The following SLC9A1 variants were observed in gnomAD, a reference collection of about 807,000 sequenced individuals.
SLC9A1 encodes solute carrier family 9 member A1, also known as sodium/hydrogen exchanger 1.
A neutral mutation model predicts 67.9 loss-of-function variants in SLC9A1; 22 were observed. The observed-to-expected ratio is 0.32, with a 90% CI of 0.23 to 0.46. The LOEUF (loss-of-function observed/expected upper bound fraction) is 0.46, where lower values mean the gene tolerates loss of function less well. Ranked by LOEUF, SLC9A1 falls within the 20% of genes least tolerant of loss-of-function variation. SLC9A1 has a pLI of 1.00. For missense variants in SLC9A1, 686 were observed against 1,094.8 expected (o/e 0.63, Z 5.27); for synonymous variants, 421 against 471.8 (o/e 0.89, Z 1.40).
intron 1 of SLC9A1, among the ~76,000 whole-genome samples, chr1:27,130,654 C>T (rs1160424245): frequency 6.6e-6 from 1 of 152,334 alleles, no homozygotes; most frequent in African/African-American, 2.4e-5. Flanking sequence ...AAGCCCTGTG[C>T]CTTCTCATTT....
At chr1:27,103,662 ACCTCTGCACTG>A in intron 5 of SLC9A1, 1 of 313,898 alleles carries the variant, frequency 3.2e-6, no homozygotes, top group Admixed American at 4.1e-5. Context: ...AGGGAAAACT[ACCTCTGCACTG>A]CCTCCCCACC....
chr1:27,101,644 T>C lies in SLC9A1; in HGVS notation c.2037+81A>G, dbSNP rs892790159. 4.0e-6 allele frequency: 4 copies of C among 994,828 alleles called. No homozygotes were observed. The African/African-American group carries it at 6.4e-5, about 16-fold the overall frequency. 61.6% of individuals were successfully genotyped at this position (994,828 alleles called of 1,614,324 possible). A position where few individuals can be genotyped will look rare whatever the true frequency, so the allele number is the denominator to read the frequency against. The stretch of plus-strand genomic sequence containing the variant: ...CGAAAGCCAAACCCTGTTCCTAGAA[T>C]GGGTACATTTCCTTAGAGGCTGTGG... On this transcript the variant is annotated intron_variant, in intron 10 of 11. Transcript: ENST00000263980. The surrounding 1 kb of genome is among the most constrained non-coding windows in gnomAD (Gnocchi z 4.9).
chr1:27,119,905 T>A (rs1388597827), intron 1 of SLC9A1, among the ~76,000 whole-genome samples: 1 of 152,160 alleles, frequency 6.6e-6, no homozygotes, highest in Non-Finnish European at 1.5e-5. Flanking sequence ...CTCCCACTGC[T>A]TCTACTCTAG....
At chr1:27,143,198 C>A (rs1274402339) in intron 1 of SLC9A1, among the ~76,000 whole-genome samples, 2 of 151,984 alleles carry the variant, frequency 1.3e-5, no homozygotes, top group African/African-American at 4.8e-5. Flanking sequence ...GATCCTAGAA[C>A]AACAGATCAT....
In SLC9A1 at chr1:27,099,979, T is replaced by G; in HGVS notation, c.*328A>C. The G allele has an allele frequency of 9.6e-6, 3 of 312,486 alleles. No individual in the cohort carries two copies. Among genetic ancestry groups the G allele is most frequent in the East Asian group, 1.0e-4 (2 of 19,178 alleles). The allele number at this position is 312,486 out of a possible 1,614,324, so 19.4% of individuals were successfully genotyped here. On this transcript the variant is annotated 3_prime_UTR_variant, in exon 12 of 12. Coordinates refer to ENST00000263980, the MANE Select transcript of SLC9A1 (RefSeq NM_003047.5). ...GGTTAGAAACTAAGATTGGTCTGAA[T>G]GAGGAGGAGGATGAGGCAGAGGGAG...
At chr1:27,138,681 T>G (rs2083435039) in intron 1 of SLC9A1, among the ~76,000 whole-genome samples, 1 of 151,954 alleles carries the variant, frequency 6.6e-6, no homozygotes, top group Non-Finnish European at 1.5e-5. Context: ...ATGCCACAGC[T>G]GTATGGAGGA....
rs2083287804 is a variant in SLC9A1 at position 27,118,785 on chromosome 1, G to A, written c.353-4499C>T. 6.6e-6 allele frequency among the ~76,000 whole-genome samples: 1 copy of A among 152,118 alleles called. No homozygotes were observed. The highest frequency in any genetic ancestry group is 2.1e-4 in the South Asian group (1 of 4,828). On this transcript the variant is annotated intron_variant, in intron 1 of 11. Transcript: ENST00000263980. The surrounding 1 kb of genome is among the most constrained non-coding windows in gnomAD (Gnocchi z 4.3). The stretch of plus-strand genomic sequence containing the variant: ...ATATAGTCAGGGAAATGGAGACAGA[G>A]ACAGCCAGTGACCTGTCAATGATCA...
At chr1:27,102,160 C>T in intron 8 of SLC9A1, 30 bp from the exon 9 acceptor site, 1 of 1,568,746 alleles carries the variant, frequency 6.4e-7, no homozygotes, top group Non-Finnish European at 8.8e-7. Flanking sequence ...GTTAGGTCCC[C>T]AAGATTCTTG....
At chr1:27,122,101 T>G (rs1312513969) in intron 1 of SLC9A1, among the ~76,000 whole-genome samples, 1 of 151,754 alleles carries the variant, frequency 6.6e-6, no homozygotes, top group Non-Finnish European at 1.5e-5. Flanking sequence ...GGCGACAGAG[T>G]GAGACTCCAT....
chr1:27,151,983 T>C (rs1315805786), intron 1 of SLC9A1, among the ~76,000 whole-genome samples: 2 of 151,910 alleles, frequency 1.3e-5, no homozygotes, highest in African/African-American at 4.8e-5. Context: ...GTTTCCAGAG[T>C]CAGTGGAATG....
At chr1:27,152,343 T>G (rs549044167) in intron 1 of SLC9A1, among the ~76,000 whole-genome samples, 2 of 152,278 alleles carry the variant, frequency 1.3e-5, no homozygotes, top group South Asian at 4.1e-4. Context: ...TGCCCTAATG[T>G]AATGCCAGGT....
chr1:27,107,508 C>A, intron 4 of SLC9A1, 140 bp downstream of exon 4: 1 of 677,698 alleles, frequency 1.5e-6, no homozygotes, highest in Non-Finnish European at 2.6e-6. Context: ...TACTTATACA[C>A]TGCACCACAT....
At position 27,100,525 on chromosome 1, in the gene SLC9A1, A is replaced by G; in HGVS notation, c.2230T>C (p.Leu744=). The G allele has an allele frequency of 6.2e-7, 1 of 1,614,004 alleles. No homozygotes were observed. Among genetic ancestry groups the G allele is most frequent in the Non-Finnish European group, 8.5e-7 (1 of 1,179,932 alleles). ...GCCACCTTTGCAGGATCCCGGCTCA[A>G]CCCTAAGACTTTGCCCTTCAGCTCT... ...NEELKGKVLG[L]SRDPAKVAEE... Residue 744 remains leucine, a synonymous_variant, in exon 12 of 12, where the codon TTG becomes CTG. Coordinates refer to ENST00000263980, the MANE Select transcript of SLC9A1 (RefSeq NM_003047.5). The surrounding 1 kb of genome is among the most constrained non-coding windows in gnomAD (Gnocchi z 5.6).
chr1:27,120,034 T>C (rs2083294601), intron 1 of SLC9A1, among the ~76,000 whole-genome samples: 1 of 151,836 alleles, frequency 6.6e-6, no homozygotes, highest in Admixed American at 6.6e-5. Context: ...ATTGCACCAC[T>C]GCACTCCAGC....
In SLC9A1 at chr1:27,102,695, C is replaced by T; in HGVS notation, c.1624G>A (p.Gly542Ser). 2 of 1,613,840 alleles carry T rather than the reference C, an allele frequency of 1.2e-6. No homozygotes were observed. Among genetic ancestry groups the T allele is most frequent in the South Asian group, 1.1e-5 (1 of 91,066 alleles). The change falls in exon 7 of 12, where the codon GGT (glycine) becomes AGT (serine). Residue 542 changes from glycine (G) to serine (S), a missense_variant. By Grantham distance (56) the Gly-to-Ser change is moderately conservative. Coordinates refer to ENST00000263980, the MANE Select transcript of SLC9A1 (RefSeq NM_003047.5). ...TGIEDICGHYGHHHWKDKLNR... is the reference protein window; with the variant it reads ...TGIEDICGHYSHHHWKDKLNR... ...TACTTGTCCTTCCAGTGGTGGTGAC[C>T]GTAGTGGCCACAGATGTCTTCGATG...
In SLC9A1 at chr1:27,143,132, T is replaced by C. The variant is rs568640540; in HGVS notation, c.352+10851A>G. Among the ~76,000 whole-genome samples, 67 of 151,194 alleles carry C rather than the reference T, an allele frequency of 4.4e-4. 1 individual carries two copies. The highest frequency in any genetic ancestry group is 1.3e-3 in the African/African-American group (55 of 41,236). On this transcript the variant is annotated intron_variant, in intron 1 of 11. Coordinates refer to ENST00000263980, the MANE Select transcript of SLC9A1 (RefSeq NM_003047.5). The stretch of plus-strand genomic sequence containing the variant: ...CACATATATACAACTGTCTGCAGAC[T>C]ATTTTGGGAGCTCCACAAACTTTAT...
intron 1 of SLC9A1, among the ~76,000 whole-genome samples, chr1:27,116,082 G>A (rs1351657420): frequency 2.0e-5 from 3 of 152,098 alleles, no homozygotes; most frequent in Admixed American, 6.5e-5. Flanking sequence ...ACTGCTGGCT[G>A]GGCACGGTAG....
chr1:27,143,185 C>G (rs2083463028), intron 1 of SLC9A1, among the ~76,000 whole-genome samples: 1 of 151,980 alleles, frequency 6.6e-6, no homozygotes, highest in South Asian at 2.1e-4. Flanking sequence ...TCTTAGAAAC[C>G]TAGATCCTAG....
chr1:27,114,106 G>C lies in SLC9A1; in HGVS notation c.533C>G (p.Pro178Arg), dbSNP rs2124155381. ...CAGGTTTTCTGTGAACTGCCGCAGT[G>C]GCAGGAAGTAGCCCGCATCCAGGAT... ...PIILDAGYFLPLRQFTENLGT... is the reference protein window; with the variant it reads ...PIILDAGYFLRLRQFTENLGT... Residue 178 changes from proline to arginine, a missense_variant, in exon 2 of 12, where the codon CCA (proline) becomes CGA (arginine). Around this residue, in one of 7 missense-constraint regions of SLC9A1, gnomAD observed 29 missense variants for 71.9 expected, o/e 0.40. Coordinates refer to ENST00000263980, the MANE Select transcript of SLC9A1 (RefSeq NM_003047.5). This position sits in a 1 kb window ranked among gnomAD's most constrained non-coding sequence, Gnocchi z 5.4. 6.2e-7 allele frequency: 1 copy of C among 1,614,184 alleles called. No homozygotes were observed. Among genetic ancestry groups the C allele is most frequent in the South Asian group, 1.1e-5 (1 of 91,082 alleles).
Sources: gnomAD v4.1 joint callset for allele counts (sites outside exome capture counted in the v4.1 genomes callset) on GRCh38, gnomAD v4.1.1 for gene constraint, gnomAD v4.1.1 regional missense constraint, Gnocchi (gnomAD v3.1) non-coding constraint, MANE v1.5 for transcripts, NCBI Gene and HGNC (gene_info 2026-07-23, HGNC 2026-07-21) for gene names.